Variants in KMT2E observed in about 807,000 individuals in gnomAD.
KMT2E encodes the protein histone reader KMT2E.
In KMT2E, 30 loss-of-function variants were observed where a neutral mutation model predicts 184.6. The observed-to-expected ratio is 0.16, with a 90% CI of 0.12 to 0.22. KMT2E has a LOEUF of 0.22. Among genes scored for constraint, KMT2E ranks in the 10% least tolerant of loss-of-function variants. The pLI is 1.00. For synonymous variants in KMT2E, 815 were observed against 776.5 expected, an observed-to-expected ratio of 1.05 and a Z score of -0.82; for missense variants, 2,023 against 2,237.4, an observed-to-expected ratio of 0.90 and a Z score of 1.93.
chr7:105,018,976 A>G (rs1794832063), intron 1 of KMT2E, among the ~76,000 whole-genome samples: 1 of 152,138 alleles, frequency 6.6e-6, no homozygotes, highest in Non-Finnish European at 1.5e-5. Context: ...TTTACTTTGT[A>G]TAATATAAAA....
intron 1 of KMT2E, among the ~76,000 whole-genome samples, chr7:105,017,508 T>TA (rs1471520582): frequency 6.6e-6 from 1 of 151,820 alleles, no homozygotes; most frequent in Non-Finnish European, 1.5e-5. Context: ...TACCTTATTT[T>TA]GAATGGTTAC....
At chr7:105,035,621 CAGAG>C (rs371883272) in intron 1 of KMT2E, among the ~76,000 whole-genome samples, 173 of 151,876 alleles carry the variant, frequency 1.1e-3, no homozygotes, top group Middle Eastern at 3.4e-3. Context: ...TATTTTGAGA[CAGAG>C]AGTTTTGCTC....
chr7:105,066,525 G>A (rs1344709104), intron 5 of KMT2E, among the ~76,000 whole-genome samples: 1 of 151,986 alleles, frequency 6.6e-6, no homozygotes, highest in African/African-American at 2.4e-5. Context: ...AAAAATTTAT[G>A]TATCCTATAT....
chr7:105,080,874 G>A (rs921650169), intron 12 of KMT2E, among the ~76,000 whole-genome samples: 3 of 152,050 alleles, frequency 2.0e-5, no homozygotes, highest in South Asian at 2.1e-4. Flanking sequence ...GTGGTGGCAC[G>A]CACCTGTAGT....
At chr7:105,034,998 G>C (rs1178223388) in intron 1 of KMT2E, among the ~76,000 whole-genome samples, 3 of 150,700 alleles carry the variant, frequency 2.0e-5, no homozygotes, top group Admixed American at 2.0e-4. Context: ...TGAGATTACA[G>C]GTGCCCACCA....
chr7:105,054,285 G>T (rs1207420357), intron 3 of KMT2E, among the ~76,000 whole-genome samples: 1 of 151,658 alleles, frequency 6.6e-6, no homozygotes, highest in African/African-American at 2.4e-5. Context: ...ATTTTCACAG[G>T]TCATTGTATC....
chr7:105,108,466 G>T, intron 22 of KMT2E: 1 of 414,576 alleles, frequency 2.4e-6, no homozygotes, highest in South Asian at 1.8e-5. Flanking sequence ...AGAAACTATA[G>T]CACTTATTTT....
At chr7:105,093,628 G>A (rs965366951) in intron 15 of KMT2E, among the ~76,000 whole-genome samples, 3 of 152,070 alleles carry the variant, frequency 2.0e-5, no homozygotes, top group Non-Finnish European at 2.9e-5. Flanking sequence ...AGGTTGCAGT[G>A]AACTGAGATC....
At chr7:105,087,279 AATATG>A (rs1033782390) in intron 13 of KMT2E, among the ~76,000 whole-genome samples, 12 of 117,408 alleles carry the variant, frequency 1.0e-4, no homozygotes, top group Non-Finnish European at 1.3e-4. Context: ...ATAATATATA[AATATG>A]ATATAATATA....
At position 105,106,612 on chromosome 7, in the gene KMT2E, C is replaced by G. The variant is rs1315639539; in HGVS notation, c.2687C>G (p.Ala896Gly). ...ETSTPTPSPY[A>G]TPTHTDITPM... The stretch of plus-strand genomic sequence containing the variant: ...TCCACACCTACTCCTTCCCCGTATG[C>G]TACACCAACTCACACCGATATTACT... The change falls in exon 20 of 27, where the codon GCT becomes GGT. Residue 896 changes from alanine to glycine, a missense_variant. Physicochemically the swap from Ala to Gly is moderately conservative, Grantham distance 60. This residue lies in a region of KMT2E where 514 missense variants were observed against 621.8 expected (regional missense o/e 0.83). Coordinates refer to ENST00000311117, the MANE Select transcript of KMT2E (RefSeq NM_182931.3). 2 of 1,613,916 alleles carry G rather than the reference C, an allele frequency of 1.2e-6. No individual in the cohort carries two copies. Among genetic ancestry groups the G allele is most frequent in the Non-Finnish European group, 1.7e-6 (2 of 1,179,892 alleles).
intron 11 of KMT2E, 134 bp downstream of exon 11, chr7:105,077,567 T>C (rs915689063): frequency 1.2e-5 from 8 of 658,656 alleles, no homozygotes; most frequent in African/African-American, 1.1e-4. Context: ...TGTAGTGTGG[T>C]TGAACAGTGA....
At chr7:105,035,418 C>T (rs182586110) in intron 1 of KMT2E, among the ~76,000 whole-genome samples, 2 of 151,708 alleles carry the variant, frequency 1.3e-5, no homozygotes, top group East Asian at 3.9e-4. Flanking sequence ...GTCCACCTGC[C>T]TCAGCCTCCC....
chr7:105,089,445 A>G, intron 13 of KMT2E: 1 of 217,888 alleles, frequency 4.6e-6, no homozygotes, highest in Non-Finnish European at 9.4e-6. Context: ...TTGGCCTCCC[A>G]AAGTTCTGGG....
intron 1 of KMT2E, among the ~76,000 whole-genome samples, chr7:105,026,162 A>G (rs539412587): frequency 6.6e-6 from 1 of 152,172 alleles, no homozygotes; most frequent in East Asian, 1.9e-4. Flanking sequence ...AGTCTCCTGT[A>G]TATATGTAAA....
At chr7:105,050,646 TTTTC>T (rs141858668) in intron 3 of KMT2E, among the ~76,000 whole-genome samples, 73 of 85,212 alleles carry the variant, frequency 8.6e-4, no homozygotes, top group African/African-American at 2.3e-3. Context: ...CTCTTTTCTT[TTTTC>T]TTTCTTTCTT....
intron 1 of KMT2E, among the ~76,000 whole-genome samples, chr7:105,018,410 T>A (rs1337313802): frequency 6.6e-6 from 1 of 152,210 alleles, no homozygotes; most frequent in Non-Finnish European, 1.5e-5. Context: ...AGGATTTGTT[T>A]TTAGCAGATG....
chr7:105,107,960 G>GTTTTTT, intron 22 of KMT2E, 35 bp downstream of exon 22: 3 of 1,170,494 alleles, frequency 2.6e-6, no homozygotes, highest in Non-Finnish European at 3.5e-6. Flanking sequence ...CCTTTTAATA[G>GTTTTTT]TTTTTTTTTT....
At chr7:105,098,065 T>C (rs748713758) in intron 15 of KMT2E, among the ~76,000 whole-genome samples, 6 of 152,210 alleles carry the variant, frequency 3.9e-5, no homozygotes, top group Non-Finnish European at 5.9e-5. Flanking sequence ...TTTGGAATGA[T>C]TTTTATTAGT....
intron 15 of KMT2E, 122 bp downstream of exon 15, chr7:105,091,436 AT>A: frequency 1.4e-6 from 1 of 703,050 alleles, no homozygotes; most frequent in Non-Finnish European, 2.6e-6. Context: ...GCCATTGAGC[AT>A]TTTTATTTGG....
Sources: allele counts gnomAD v4.1 joint callset (sites outside exome capture counted in the v4.1 genomes callset), GRCh38; gene constraint gnomAD v4.1.1; regional missense constraint gnomAD v4.1.1; transcripts MANE v1.5; gene names NCBI Gene and HGNC (gene_info 2026-07-23, HGNC 2026-07-21).